Variants in ARG1 observed in about 807,000 individuals in gnomAD.
ARG1 encodes the protein arginase 1.
A neutral mutation model predicts 33.0 loss-of-function variants in ARG1; 20 were observed. The observed-to-expected ratio is 0.61, with a 90% confidence interval of 0.43 to 0.88. The LOEUF is 0.88. Among genes scored for constraint, ARG1 ranks in the 40% least tolerant of loss-of-function variants. The probability of loss-of-function intolerance (pLI) is 0.00; values close to 1 mark genes in which losing one functional copy is unlikely to be tolerated. For synonymous variants in ARG1, 146 were observed against 140.6 expected (o/e 1.04, Z -0.27); for missense variants, 374 against 384.7 (o/e 0.97, Z 0.23).
chr6:131,573,490 A>C, intron 1 of ARG1, 151 bp downstream of exon 1: 1 of 755,724 alleles, frequency 1.3e-6, no homozygotes, highest in Middle Eastern at 3.2e-4. Flanking sequence ...CCATTTTCCA[A>C]CATTGTATAA....
At chr6:131,574,836 A>C (rs1773536267) in intron 1 of ARG1, among the ~76,000 whole-genome samples, 1 of 152,212 alleles carries the variant, frequency 6.6e-6, no homozygotes, top group Non-Finnish European at 1.5e-5. Flanking sequence ...TTTACCTTAC[A>C]GTTGGGTTAA....
chr6:131,579,864 G>C (rs1773829097), intron 3 of ARG1, among the ~76,000 whole-genome samples: 3 of 151,976 alleles, frequency 2.0e-5, no homozygotes, highest in Admixed American at 2.0e-4. Context: ...GTGTGAGAGA[G>C]AGAGAGAGAG....
At position 131,583,369 on chromosome 6, in the gene ARG1, T is replaced by A; in HGVS notation, c.680T>A (p.Ile227Asn). The A allele has an allele frequency of 6.2e-7, 1 of 1,614,142 alleles. No homozygotes were observed. Among genetic ancestry groups the A allele is most frequent in the Non-Finnish European group, 8.5e-7 (1 of 1,179,994 alleles). Residue 227 changes from isoleucine (I) to asparagine (N), a missense_variant, in exon 7 of 8, where the codon ATT becomes AAT. Coordinates refer to ENST00000368087, the MANE Select transcript of ARG1 (RefSeq NM_000045.4). ...CTTCTTAAAAGAAAGAAAAGGCCAA[T>A]TCATCTAAGTTTTGATGTTGACGGA... is the stretch of plus-strand genomic sequence containing the variant. ...SYLLGRKKRP[I>N]HLSFDVDGLD... is the part of the protein sequence containing the mutation.
chr6:131,575,238 G>A (rs1773557348), intron 1 of ARG1, among the ~76,000 whole-genome samples: 1 of 152,310 alleles, frequency 6.6e-6, no homozygotes, highest in East Asian at 1.9e-4. Flanking sequence ...AAGCCAAGGA[G>A]TTTTATCAAA....
intron 4 of ARG1, 102 bp downstream of exon 4, chr6:131,581,480 T>G (rs542808092): frequency 1.7e-4 from 229 of 1,336,158 alleles, no homozygotes; most frequent in Non-Finnish European, 2.2e-4. Flanking sequence ...ATTCTTGGTG[T>G]AATCTCAAAT....
chr6:131,580,951 G>A (rs774866855), intron 3 of ARG1, among the ~76,000 whole-genome samples: 2 of 152,044 alleles, frequency 1.3e-5, no homozygotes, highest in Non-Finnish European at 2.9e-5. Context: ...CGCTCTAATC[G>A]TGGTTTTCTT....
chr6:131,578,259 A>C (rs576980872), intron 2 of ARG1, among the ~76,000 whole-genome samples: 50 of 152,008 alleles, frequency 3.3e-4, no homozygotes, highest in Non-Finnish European at 5.6e-4. Flanking sequence ...CTTGTCCCTT[A>C]ACTGACAAGC....
At chr6:131,578,573 CTTA>C (rs1773745928) in intron 2 of ARG1, among the ~76,000 whole-genome samples, 1 of 152,084 alleles carries the variant, frequency 6.6e-6, no homozygotes, top group Non-Finnish European at 1.5e-5. Context: ...TTCACATATT[CTTA>C]TTTATTTATG....
At chr6:131,583,600 T>C in intron 7 of ARG1, 109 bp downstream of exon 7, 2 of 1,532,102 alleles carry the variant, frequency 1.3e-6, no homozygotes, top group East Asian at 2.4e-5. Context: ...AGAATGTCCA[T>C]CAGTCACATG....
In ARG1 at chr6:131,584,204, A is replaced by G. The variant is rs2114553041; in HGVS notation, c.*296A>G. On this transcript the variant is annotated 3_prime_UTR_variant, in exon 8 of 8. Coordinates refer to ENST00000368087, the MANE Select transcript of ARG1 (RefSeq NM_000045.4). ...TGGCATTAAAAATAAGCACACTTACATAAGCCCCCATACATAGAGTGGGAC... is the reference window on the plus strand; with the variant it reads ...TGGCATTAAAAATAAGCACACTTACGTAAGCCCCCATACATAGAGTGGGAC... 6 of 378,992 alleles carry G rather than the reference A, an allele frequency of 1.6e-5. No individual in the cohort carries two copies. The highest frequency in any genetic ancestry group is 1.5e-4 in the South Asian group (6 of 39,330). The allele number at this position is 378,992 out of a possible 1,614,324, so 23.5% of individuals were successfully genotyped here.
intron 3 of ARG1, among the ~76,000 whole-genome samples, chr6:131,580,051 C>A (rs1773842772): frequency 6.6e-6 from 1 of 152,138 alleles, no homozygotes; most frequent in Admixed American, 6.5e-5. Context: ...ATAATTTTCA[C>A]CATTACAAAT....
At position 131,573,298 on chromosome 6, in the gene ARG1, A is replaced by G. The variant is rs1190948767; in HGVS notation, c.16A>G (p.Arg6Gly). 1 of 1,614,160 alleles carries G rather than the reference A, an allele frequency of 6.2e-7. No individual in the cohort carries two copies. Among genetic ancestry groups the G allele is most frequent in the Admixed American group, 1.7e-5 (1 of 60,018 alleles). The change falls in exon 1 of 8, where the codon AGA (arginine) becomes GGA (glycine). Residue 6 changes from arginine to glycine, a missense_variant. Transcript: ENST00000368087. MSAKS[R>G]TIGIIGAPFS... ...GTGTCAGAGCATGAGCGCCAAGTCC[A>G]GAACCATAGGGATTATTGGAGCTCC... is the stretch of plus-strand genomic sequence containing the variant.
At position 131,584,023 on chromosome 6, in the gene ARG1, C is replaced by A. The variant is rs1033260259; in HGVS notation, c.*115C>A. On this transcript the variant is annotated 3_prime_UTR_variant, in exon 8 of 8. Transcript: ENST00000368087. ...CTTGTTCTTTCAGAAAAATGTTTTT[C>A]CAATTAGTATAAACTCTACAAATTC... The A allele has an allele frequency of 2.5e-6, 3 of 1,223,714 alleles. No individual in the cohort carries two copies. Among genetic ancestry groups the A allele is most frequent in the Admixed American group, 4.5e-5 (2 of 44,718 alleles). The allele number at this position is 1,223,714 out of a possible 1,614,324, so 75.8% of individuals were successfully genotyped here. A position where few individuals can be genotyped will look rare whatever the true frequency, so the allele number is the denominator to read the frequency against.
In ARG1 at chr6:131,581,319, A is replaced by C. The variant is rs535456448; in HGVS notation, c.406A>C (p.Thr136Pro). ...TGATATCAACACTCCACTGACAACC[A>C]CAAGTGGAAACTTGCATGGACAACC... is the stretch of plus-strand genomic sequence containing the variant. ...HTDINTPLTT[T>P]SGNLHGQPVS... Residue 136 changes from threonine (T) to proline (P), a missense_variant, in exon 4 of 8, where the codon ACA (threonine) becomes CCA (proline). Physicochemically the swap from Thr to Pro is conservative, Grantham distance 38. Transcript: ENST00000368087. 6.2e-7 allele frequency: 1 copy of C among 1,613,920 alleles called. No individual in the cohort carries two copies. Among genetic ancestry groups the C allele is most frequent in the East Asian group, 2.2e-5 (1 of 44,864 alleles).
At position 131,579,217 on chromosome 6, in the gene ARG1, G is replaced by C. The variant is rs148619575; in HGVS notation, c.237G>C (p.Gln79His). 5.0e-5 allele frequency: 80 copies of C among 1,614,172 alleles called. No homozygotes were observed. The East Asian group carries it at 1.0e-3, about 21-fold the overall frequency. The change falls in exon 3 of 8, where the codon CAG (glutamine) becomes CAC (histidine). Residue 79 changes from glutamine (Q) to histidine (H), a missense_variant. By Grantham distance (24) the Gln-to-His change is conservative (BLOSUM62 0). Coordinates refer to ENST00000368087, the MANE Select transcript of ARG1 (RefSeq NM_000045.4). ...NPRSVGKASE[Q>H]LAGKVAEVKK... ...GGTCTGTGGGAAAAGCAAGCGAGCA[G>C]CTGGCTGGCAAGGTGGCAGAAGTCA...
rs756783454 is a variant in ARG1 at position 131,583,047 on chromosome 6, TTC to T, written c.561-9_561-8del. On this transcript the variant is annotated splice_polypyrimidine_tract_variant and intron_variant, in intron 5 of 7. Transcript: ENST00000368087. ...CCTTATTAATTATAATTATCTTAAT[TTC>T]TCTTTTATAGCTACATTTTGAAAAC... The T allele has an allele frequency of 6.4e-5, 102 of 1,582,096 alleles. No homozygotes were observed. In the South Asian group the frequency reaches 9.8e-4, roughly 15 times the overall value.
chr6:131,575,277 G>C (rs371988696), intron 1 of ARG1, among the ~76,000 whole-genome samples: 2 of 152,132 alleles, frequency 1.3e-5, no homozygotes, highest in South Asian at 2.1e-4. Context: ...CTATATGTCA[G>C]CTCTACACTA....
At chr6:131,574,322 A>G (rs780037541) in intron 1 of ARG1, 1 of 1,613,858 alleles carries the variant, frequency 6.2e-7, no homozygotes, top group Admixed American at 1.7e-5. Context: ...GAGAGGCCAG[A>G]GGTTAGAGGC....
chr6:131,574,598 C>G (rs1386118589), intron 1 of ARG1, among the ~76,000 whole-genome samples: 1 of 152,082 alleles, frequency 6.6e-6, no homozygotes, highest in South Asian at 2.1e-4. Context: ...ATTGTAAGGA[C>G]TAAGAGAGAG....
Sources: gnomAD v4.1 joint callset for allele counts (sites outside exome capture counted in the v4.1 genomes callset) on GRCh38, gnomAD v4.1.1 for gene constraint, MANE v1.5 for transcripts, NCBI Gene and HGNC (gene_info 2026-07-23, HGNC 2026-07-21) for gene names.